The following DLGAP4 variants were observed in gnomAD, a reference collection of about 807,000 sequenced individuals.
DLGAP4 encodes the protein disks large-associated protein 4.
Under a neutral mutation model 86.9 loss-of-function variants are expected in DLGAP4, and 18 were observed. The ratio of observed to expected loss-of-function variants is 0.21; its 90% CI spans 0.14 to 0.31. The LOEUF (loss-of-function observed/expected upper bound fraction) is 0.31, where lower values mean the gene tolerates loss of function less well. Ranked by LOEUF, DLGAP4 falls within the 10% of genes least tolerant of loss-of-function variation. The pLI is 1.00. For missense variants in DLGAP4, 1,085 were observed against 1,362.6 expected (o/e 0.80, Z 3.21); for synonymous variants, 548 against 574.3 (o/e 0.95, Z 0.65).
In DLGAP4 at chr20:36,470,642, G is replaced by A. The variant is rs117777004; in HGVS notation, c.1648+23705G>A. ...TACCCAGACACCTAATCACTGTGAC[G>A]AGTCTTGAGGTTTCCTTATAGAAAT... On this transcript the variant is annotated intron_variant, in intron 7 of 12. Coordinates refer to ENST00000339266, the MANE Select transcript of DLGAP4 (RefSeq NM_001365621.2). 3.9e-4 allele frequency among the ~76,000 whole-genome samples: 59 copies of A among 150,906 alleles called. No homozygotes were observed. The East Asian group carries it at 0.011, about 28-fold the overall frequency.
chr20:36,405,017 G>C (rs989945497), intron 2 of DLGAP4, among the ~76,000 whole-genome samples: 1 of 152,174 alleles, frequency 6.6e-6, no homozygotes, highest in Non-Finnish European at 1.5e-5. Flanking sequence ...GGGAGGAGAA[G>C]GCCAATCAAG....
At chr20:36,387,806 A>G (rs903411997) in intron 2 of DLGAP4, among the ~76,000 whole-genome samples, 3 of 152,128 alleles carry the variant, frequency 2.0e-5, no homozygotes, top group Non-Finnish European at 4.4e-5. Context: ...TTAAGCGCCC[A>G]TGTATTTATG....
chr20:36,307,680 G>T (rs1446847195), intron 1 of DLGAP4, among the ~76,000 whole-genome samples: 1 of 152,142 alleles, frequency 6.6e-6, no homozygotes, highest in African/African-American at 2.4e-5. Flanking sequence ...ATGACATAGC[G>T]GGAGGGGGCT....
chr20:36,377,614 C>T (rs1344113428), intron 2 of DLGAP4, among the ~76,000 whole-genome samples: 5 of 152,140 alleles, frequency 3.3e-5, no homozygotes, highest in Non-Finnish European at 7.4e-5. Flanking sequence ...GCCTGCCCTT[C>T]GGGACCCACT....
At chr20:36,454,598 G>GC (rs906062756) in intron 7 of DLGAP4, among the ~76,000 whole-genome samples, 2 of 152,178 alleles carry the variant, frequency 1.3e-5, no homozygotes, top group African/African-American at 4.8e-5. Flanking sequence ...TCAGAAGGCT[G>GC]CCCCCTTACT....
At position 36,485,124 on chromosome 20, in the gene DLGAP4, G is replaced by A. The variant is rs1483318524; in HGVS notation, c.1649-11581G>A. ...TCTTTGGCCGGGCGAGGTGGCTCGC[G>A]CCAGTAATCCCAGCACTTTTGGAGG... On this transcript the variant is annotated intron_variant, in intron 7 of 12. Transcript: ENST00000339266. 5.9e-5 allele frequency among the ~76,000 whole-genome samples: 9 copies of A among 152,088 alleles called. No individual in the cohort carries two copies. The South Asian group carries it at 1.4e-3, about 24-fold the overall frequency.
At chr20:36,320,106 G>A (rs1242829345) in intron 1 of DLGAP4, among the ~76,000 whole-genome samples, 4 of 102,120 alleles carry the variant, frequency 3.9e-5, no homozygotes, top group South Asian at 3.2e-4. Flanking sequence ...CCTCTGTGTC[G>A]CATTCCCCTA....
At chr20:36,379,666 T>A (rs2031299702) in intron 2 of DLGAP4, among the ~76,000 whole-genome samples, 1 of 151,900 alleles carries the variant, frequency 6.6e-6, no homozygotes, top group South Asian at 2.1e-4. Flanking sequence ...GGGCTGCAGG[T>A]GGGAATGACA....
rs760670423 is a variant in DLGAP4 at position 36,439,758 on chromosome 20, CT to C, written c.1247del (p.Leu416ArgfsTer44). ...LGEQSNPRRS[L>X]DRLDSVDMLL... ...CTGCTCCCCACTCCCCACCAGGAGTCTGGACCGCCTGGATTCAGTGGACATG... is the reference window on the plus strand; with the variant it reads ...CTGCTCCCCACTCCCCACCAGGAGTCGGACCGCCTGGATTCAGTGGACATG... On this transcript the variant is annotated frameshift_variant, in exon 5 of 13. Transcript: ENST00000339266. LOFTEE classifies it high-confidence loss of function. 6.2e-7 allele frequency: 1 copy of C among 1,612,918 alleles called. No homozygotes were observed. Among genetic ancestry groups the C allele is most frequent in the Non-Finnish European group, 8.5e-7 (1 of 1,179,762 alleles).
Position 36,432,783 on chromosome 20 carries a change from A to G in DLGAP4, c.999+67A>G, listed in dbSNP as rs983968226. The G allele has an allele frequency of 1.7e-5, 27 of 1,557,748 alleles. No homozygotes were observed. Among genetic ancestry groups the G allele is most frequent in the Non-Finnish European group, 2.4e-5 (27 of 1,147,094 alleles). ...GGACGGCACCAGTTTTGAGGCCTAG[A>G]CGTACCACAGATTCACTTGGAAAGT... On this transcript the variant is annotated intron_variant, in intron 3 of 12. Transcript: ENST00000339266. The surrounding 1 kb of genome is among the most constrained non-coding windows in gnomAD (Gnocchi z 6.5).
chr20:36,343,198 A>T (rs1026333207), intron 1 of DLGAP4, among the ~76,000 whole-genome samples: 1 of 152,104 alleles, frequency 6.6e-6, no homozygotes, highest in Non-Finnish European at 1.5e-5. Flanking sequence ...AGTGAATTGG[A>T]GCAGCATGTG....
chr20:36,491,159 T>G (rs2035646717), intron 7 of DLGAP4, among the ~76,000 whole-genome samples: 1 of 149,456 alleles, frequency 6.7e-6, no homozygotes, highest in Non-Finnish European at 1.5e-5. Context: ...ACCACTGCAC[T>G]CCAGCCTGGG....
chr20:36,465,977 C>T (rs1291548480), intron 7 of DLGAP4, among the ~76,000 whole-genome samples: 3 of 152,184 alleles, frequency 2.0e-5, no homozygotes, highest in Non-Finnish European at 4.4e-5. Flanking sequence ...AGCAGGACTC[C>T]TGAGGATGCT....
intron 2 of DLGAP4, among the ~76,000 whole-genome samples, chr20:36,368,210 G>T (rs976260056): frequency 1.3e-5 from 2 of 152,220 alleles, no homozygotes; most frequent in African/African-American, 4.8e-5. Context: ...CAGGACCTGA[G>T]CGCCTCCTGG....
At chr20:36,331,527 C>G (rs1302889120) in intron 1 of DLGAP4, among the ~76,000 whole-genome samples, 2 of 152,232 alleles carry the variant, frequency 1.3e-5, no homozygotes, top group Admixed American at 6.5e-5. Flanking sequence ...CCGACCCAGC[C>G]TCAGCCTGGA....
Position 36,432,669 on chromosome 20 carries a change from C to T in DLGAP4, c.952C>T (p.Leu318Phe). The change falls in exon 3 of 13, where the codon CTC becomes TTC. Residue 318 changes from leucine (L) to phenylalanine (F), a missense_variant. Around this residue, in one of 2 missense-constraint regions of DLGAP4, gnomAD observed 1,082 missense variants for 1,344.1 expected, o/e 0.81. Coordinates refer to ENST00000339266, the MANE Select transcript of DLGAP4 (RefSeq NM_001365621.2). The surrounding 1 kb of genome is among the most constrained non-coding windows in gnomAD (Gnocchi z 6.5). ...KTSATLDKSL[L>F]KSKSCHQGLA... Reference sequence around the variant, plus strand: ...CTCAGCCACCTTGGATAAGAGCCTGCTCAAGTCCAAATCCTGCCACCAGGG... The same window carrying T: ...CTCAGCCACCTTGGATAAGAGCCTGTTCAAGTCCAAATCCTGCCACCAGGG... 1 of 1,613,500 alleles carries T rather than the reference C, an allele frequency of 6.2e-7. No homozygotes were observed. Among genetic ancestry groups the T allele is most frequent in the South Asian group, 1.1e-5 (1 of 90,792 alleles).
At chr20:36,327,590 C>CTTTTT (rs555766337) in intron 1 of DLGAP4, among the ~76,000 whole-genome samples, 2 of 120,020 alleles carry the variant, frequency 1.7e-5, no homozygotes, top group Non-Finnish European at 3.5e-5. Flanking sequence ...TGGTTAAATT[C>CTTTTT]TTTTTTTTTT....
chr20:36,402,198 G>C (rs1048145527), intron 2 of DLGAP4, among the ~76,000 whole-genome samples: 1 of 152,156 alleles, frequency 6.6e-6, no homozygotes, highest in Non-Finnish European at 1.5e-5. Context: ...ATGGGAATAG[G>C]CTGACAAAAA....
At chr20:36,487,115 G>C (rs1002844420) in intron 7 of DLGAP4, among the ~76,000 whole-genome samples, 1 of 152,192 alleles carries the variant, frequency 6.6e-6, no homozygotes, top group Non-Finnish European at 1.5e-5. Flanking sequence ...AGGCTCTGCA[G>C]ATGGAGGAGG....
Sources: gnomAD v4.1 joint callset for allele counts (sites outside exome capture counted in the v4.1 genomes callset) on GRCh38, gnomAD v4.1.1 for gene constraint, gnomAD v4.1.1 regional missense constraint, Gnocchi (gnomAD v3.1) non-coding constraint, MANE v1.5 for transcripts, NCBI Gene and HGNC (gene_info 2026-07-23, HGNC 2026-07-21) for gene names.